The following CACNG6 variants were observed in gnomAD, a reference collection of about 807,000 sequenced individuals.
The protein encoded by CACNG6 is calcium voltage-gated channel auxiliary subunit gamma 6, also known as voltage-dependent calcium channel gamma-6 subunit.
In CACNG6, 21 loss-of-function variants were observed where a neutral mutation model predicts 23.9. The observed-to-expected ratio is 0.88, with a 90% CI of 0.62 to 1.26. CACNG6 has a LOEUF of 1.26. Ranked by LOEUF, CACNG6 falls within the 50% of genes most tolerant of loss-of-function variation. The probability of loss-of-function intolerance (pLI) is 0.00; values close to 1 mark genes in which losing one functional copy is unlikely to be tolerated. For missense variants in CACNG6, 340 were observed against 352.9 expected (o/e 0.96, Z 0.29); for synonymous variants, 182 against 168.9 (o/e 1.08, Z -0.60).
At chr19:54,007,347 T>G (rs2069659302) in intron 3 of CACNG6, among the ~76,000 whole-genome samples, 1 of 152,118 alleles carries the variant, frequency 6.6e-6, no homozygotes, top group South Asian at 2.1e-4. Context: ...AGCCTTAACT[T>G]AATTCTGTCT....
chr19:54,011,911 G>T, intron 3 of CACNG6, 40 bp from the exon 4 acceptor site: 1 of 1,363,650 alleles, frequency 7.3e-7, no homozygotes, highest in Non-Finnish European at 9.7e-7. Flanking sequence ...CACAGCTGGG[G>T]TCGCGGGCGT....
In CACNG6 at chr19:54,000,985, C is replaced by T. The variant is rs189242741; in HGVS notation, c.544+1214C>T. Among the ~76,000 whole-genome samples the T allele has an allele frequency of 1.7e-3, 252 of 151,710 alleles. 1 individual carries two copies. The highest frequency in any genetic ancestry group is 6.3e-4 in the Non-Finnish European group (43 of 67,884). On this transcript the variant is annotated intron_variant, in intron 3 of 3. Transcript: ENST00000252729. The stretch of plus-strand genomic sequence containing the variant: ...GATGGCAGAGGTGGGATTTTAAACT[C>T]GGTTTTCTTTCTTTCTTTTTTGAGA...
intron 1 of CACNG6, among the ~76,000 whole-genome samples, chr19:53,997,685 T>C (rs1045359817): frequency 1.3e-5 from 2 of 152,192 alleles, no homozygotes; most frequent in Non-Finnish European, 2.9e-5. Context: ...CATCTCTCCA[T>C]GGACTTATGA....
In CACNG6 at chr19:53,992,936, G is replaced by T; in HGVS notation, c.59G>T (p.Arg20Leu). ...AACCGGCGGCGGGGGGCCGCGGGCC[G>T]GCGGCGGGCGCACGGGCAGGGCAGG... is the stretch of plus-strand genomic sequence containing the variant. ...EENRRRGAAG[R>L]RRAHGQGRSG... The change falls in exon 1 of 4, where the codon CGG (arginine) becomes CTG (leucine). Residue 20 changes from arginine (R) to leucine (L), a missense_variant. Coordinates refer to ENST00000252729, the MANE Select transcript of CACNG6 (RefSeq NM_145814.2). The surrounding 1 kb of genome is among the most constrained non-coding windows in gnomAD (Gnocchi z 4.1). The T allele has an allele frequency of 7.2e-7, 1 of 1,386,018 alleles. No individual in the cohort carries two copies. The highest frequency in any genetic ancestry group is 9.3e-7 in the Non-Finnish European group (1 of 1,072,654). 85.9% of individuals were successfully genotyped at this position (1,386,018 alleles called of 1,614,324 possible). A position where few individuals can be genotyped will look rare whatever the true frequency, so the allele number is the denominator to read the frequency against.
intron 1 of CACNG6, among the ~76,000 whole-genome samples, chr19:53,995,822 C>G (rs921139155): frequency 6.6e-6 from 1 of 152,178 alleles, no homozygotes; most frequent in Non-Finnish European, 1.5e-5. Context: ...CCACAACATC[C>G]GGCTAATTTT....
At chr19:53,996,862 G>GAT (rs2069525835) in intron 1 of CACNG6, among the ~76,000 whole-genome samples, 1 of 135,612 alleles carries the variant, frequency 7.4e-6, no homozygotes, top group Non-Finnish European at 1.6e-5. Context: ...TGATCTTTGG[G>GAT]ATTTTTTTTT....
rs912754792 is a variant in CACNG6 at position 53,994,473 on chromosome 19, A to C, written c.331+1265A>C. Among the ~76,000 whole-genome samples the C allele has an allele frequency of 5.9e-5, 9 of 152,138 alleles. No individual in the cohort carries two copies. The East Asian group carries it at 1.7e-3, about 29-fold the overall frequency. On this transcript the variant is annotated intron_variant, in intron 1 of 3. Coordinates refer to ENST00000252729, the MANE Select transcript of CACNG6 (RefSeq NM_145814.2). The stretch of plus-strand genomic sequence containing the variant: ...ACGCCACGCCACGGCTTGTGCTTAT[A>C]CCAGGGGGACATTCTATACCCCTTG...
At chr19:54,003,929 C>T (rs1354005554) in intron 3 of CACNG6, among the ~76,000 whole-genome samples, 1 of 152,170 alleles carries the variant, frequency 6.6e-6, no homozygotes, top group African/African-American at 2.4e-5. Flanking sequence ...ACAATCACAG[C>T]TCACTGCAGC....
At position 54,012,638 on chromosome 19, in the gene CACNG6, G is replaced by C. The variant is rs2069731663; in HGVS notation, c.*449G>C. On this transcript the variant is annotated 3_prime_UTR_variant, in exon 4 of 4. Coordinates refer to ENST00000252729, the MANE Select transcript of CACNG6 (RefSeq NM_145814.2). ...GAAGGGTCTGGCCTCGCTGTGATCT[G>C]ATTTGGGATTAAAGGTTTGGAAATT... 1 of 155,614 alleles carries C rather than the reference G, an allele frequency of 6.4e-6. No homozygotes were observed. The highest frequency in any genetic ancestry group is 2.4e-5 in the African/African-American group (1 of 41,554). The allele number at this position is 155,614 out of a possible 1,614,324, so 9.6% of individuals were successfully genotyped here.
chr19:54,004,807 G>GT (rs1186424098), intron 3 of CACNG6, among the ~76,000 whole-genome samples: 1 of 152,150 alleles, frequency 6.6e-6, no homozygotes, highest in Non-Finnish European at 1.5e-5. Flanking sequence ...TCCTCGCATT[G>GT]TTTAAGTCTC....
chr19:54,004,335 TTGTGTGTGTGTGTG>T (rs4022332), intron 3 of CACNG6, among the ~76,000 whole-genome samples: 3,980 of 107,204 alleles, frequency 0.037, 195 homozygotes, highest in African/African-American at 0.12. Flanking sequence ...TTTTGTATTT[TTGTGTGTGTGTGTG>T]TGTGTGTGTG....
At chr19:54,004,994 A>G (rs1174666497) in intron 3 of CACNG6, among the ~76,000 whole-genome samples, 1 of 147,970 alleles carries the variant, frequency 6.8e-6, no homozygotes, top group Admixed American at 6.8e-5. Context: ...GGTGGCTCAC[A>G]AGATCAGGAG....
intron 3 of CACNG6, among the ~76,000 whole-genome samples, chr19:54,009,141 T>C (rs1452026462): frequency 6.6e-6 from 1 of 151,642 alleles, no homozygotes; most frequent in Non-Finnish European, 1.5e-5. Flanking sequence ...ATACAAAAAT[T>C]GCCGGGCGCG....
In CACNG6 at chr19:54,010,826, C is replaced by T. The variant is rs114773278; in HGVS notation, c.545-1125C>T. ...AAAATCCTGGCCTCAGGCAATCCTT[C>T]GTCCTCGGCGTCCCAAAGCGCTTGG... On this transcript the variant is annotated intron_variant, in intron 3 of 3. Coordinates refer to ENST00000252729, the MANE Select transcript of CACNG6 (RefSeq NM_145814.2). Among the ~76,000 whole-genome samples the T allele has an allele frequency of 2.1e-3, 326 of 152,130 alleles. 1 individual carries two copies. The highest frequency in any genetic ancestry group is 7.4e-3 in the African/African-American group (308 of 41,486).
chr19:54,002,441 C>T (rs2069590201), intron 3 of CACNG6, among the ~76,000 whole-genome samples: 1 of 151,192 alleles, frequency 6.6e-6, no homozygotes, highest in African/African-American at 2.4e-5. Flanking sequence ...CTTTCTTTTC[C>T]ACCCTCTTTC....
rs574680427 is a variant in CACNG6, at chr19:53,995,369, A to G, written c.331+2161A>G. The stretch of plus-strand genomic sequence containing the variant: ...GACATCTCTCAATCTTCATTATCTC[A>G]GAGAAATATCTCACACTCACCACTG... On this transcript the variant is annotated intron_variant, in intron 1 of 3. Transcript: ENST00000252729. 1.4e-4 allele frequency among the ~76,000 whole-genome samples: 21 copies of G among 152,306 alleles called. No individual in the cohort carries two copies. The East Asian group carries it at 2.5e-3, about 18-fold the overall frequency.
chr19:54,000,363 A>G lies in CACNG6; in HGVS notation c.544+592A>G, dbSNP rs117491550. 7.2e-5 allele frequency among the ~76,000 whole-genome samples: 11 copies of G among 152,266 alleles called. No homozygotes were observed. In the East Asian group the frequency reaches 2.1e-3, roughly 29 times the overall value. On this transcript the variant is annotated intron_variant, in intron 3 of 3. Coordinates refer to ENST00000252729, the MANE Select transcript of CACNG6 (RefSeq NM_145814.2). Reference sequence around the variant, plus strand: ...CAAAGGTGGAAGAGTTCCAAGCCCTATTGTTGGCTCAGAATTTGATGGTCT... The same window carrying G: ...CAAAGGTGGAAGAGTTCCAAGCCCTGTTGTTGGCTCAGAATTTGATGGTCT...
intron 3 of CACNG6, among the ~76,000 whole-genome samples, chr19:54,000,374 A>G (rs2069563731): frequency 6.6e-6 from 1 of 152,176 alleles, no homozygotes; most frequent in Admixed American, 6.6e-5. Context: ...TTGTTGGCTC[A>G]GAATTTGATG....
chr19:54,009,127 A>G (rs2069677047), intron 3 of CACNG6, among the ~76,000 whole-genome samples: 1 of 152,110 alleles, frequency 6.6e-6, no homozygotes, highest in South Asian at 2.1e-4. Flanking sequence ...TGACTCTACT[A>G]AAAATACAAA....
Sources: allele counts gnomAD v4.1 joint callset (sites outside exome capture counted in the v4.1 genomes callset), GRCh38; gene constraint gnomAD v4.1.1; non-coding constraint Gnocchi (gnomAD v3.1); transcripts MANE v1.5; gene names NCBI Gene and HGNC (gene_info 2026-07-23, HGNC 2026-07-21).